The following LINC00237 variants were observed in gnomAD, a reference collection of about 807,000 sequenced individuals.
LINC00237 encodes long intergenic non-protein coding RNA 237.
chr20:21,086,837 A>T lies in LINC00237; in HGVS notation n.560-949T>A, dbSNP rs537168305. 1.2e-3 allele frequency among the ~76,000 whole-genome samples: 157 copies of T among 128,844 alleles called. 3 individuals carry two copies. Among genetic ancestry groups the T allele is most frequent in the Non-Finnish European group, 1.2e-3 (77 of 62,292 alleles). 84.5% of individuals were successfully genotyped at this position (128,844 alleles called of 152,430 possible). The stretch of plus-strand genomic sequence containing the variant: ...AGTATACATATATAGTGTATACTAT[A>T]TATGTATAGTATACACTATATATGT... On this transcript the variant is annotated intron_variant and non_coding_transcript_variant, in intron 3 of 3. Coordinates refer to ENST00000691244, the Ensembl canonical transcript of LINC00237.
intron 1 of LINC00237, among the ~76,000 whole-genome samples, chr20:21,095,768 C>T (rs2030850469): frequency 6.6e-6 from 1 of 152,200 alleles, no homozygotes; most frequent in African/African-American, 2.4e-5. Context: ...CGTGTACCAG[C>T]TCAATGACCA....
intron 1 of LINC00237, among the ~76,000 whole-genome samples, chr20:21,102,460 C>T (rs2030944558): frequency 6.6e-6 from 1 of 152,222 alleles, no homozygotes; most frequent in Non-Finnish European, 1.5e-5. Context: ...CTAACTCGCT[C>T]CAGGTCACAG....
intron 1 of LINC00237, among the ~76,000 whole-genome samples, chr20:21,096,817 C>T (rs1286653724): frequency 3.3e-5 from 5 of 152,186 alleles, no homozygotes; most frequent in Non-Finnish European, 7.4e-5. Flanking sequence ...CTAGATTGGA[C>T]TTTGTGGCCA....
rs376968294 is a variant in LINC00237, at chr20:21,086,674, TA to T, written n.560-787del. On this transcript the variant is annotated intron_variant and non_coding_transcript_variant, in intron 3 of 3. Coordinates refer to ENST00000691244, the Ensembl canonical transcript of LINC00237. Reference sequence around the variant, plus strand: ...CTATATATGTATAGTATACTATATATAGTATACTACATATACATATGTAGTA... The same window carrying T: ...CTATATATGTATAGTATACTATATATGTATACTACATATACATATGTAGTA... Among the ~76,000 whole-genome samples the T allele has an allele frequency of 3.3e-4, 10 of 30,696 alleles. 1 individual carries two copies. The highest frequency in any genetic ancestry group is 3.6e-4 in the African/African-American group (3 of 8,280). 20.1% of individuals were successfully genotyped at this position (30,696 alleles called of 152,430 possible).
intron 1 of LINC00237, among the ~76,000 whole-genome samples, chr20:21,095,221 G>A (rs548912711): frequency 2.5e-4 from 38 of 152,258 alleles, no homozygotes; most frequent in Non-Finnish European, 5.3e-4. Flanking sequence ...CCTCCCGCTT[G>A]GAGCCCAGCT....
intron 1 of LINC00237, among the ~76,000 whole-genome samples, chr20:21,100,443 A>G (rs1365692901): frequency 6.6e-6 from 1 of 152,252 alleles, no homozygotes; most frequent in East Asian, 1.9e-4. Context: ...CGTTTCCGCA[A>G]ACTGCATCGC....
chr20:21,104,238 T>C (rs2030968738), intron 1 of LINC00237, among the ~76,000 whole-genome samples: 1 of 152,202 alleles, frequency 6.6e-6, no homozygotes, highest in Non-Finnish European at 1.5e-5. Context: ...GCACCAGATA[T>C]AAGGGGGTCA....
chr20:21,105,077 C>G (rs1049670279), intron 1 of LINC00237, among the ~76,000 whole-genome samples: 1 of 152,198 alleles, frequency 6.6e-6, no homozygotes, highest in African/African-American at 2.4e-5. Flanking sequence ...GCACCGGACA[C>G]CAGGCGCGCC....
rs527930957 is a variant in LINC00237 at position 21,092,445 on chromosome 20, GA to G, written n.472+1023del. Reference sequence around the variant, plus strand: ...AGAAATTGTAATGATGCAGCAGTGGGAATGCCCAGGCGGTAGGCACTTTGAG... The same window carrying G: ...AGAAATTGTAATGATGCAGCAGTGGGATGCCCAGGCGGTAGGCACTTTGAG... On this transcript the variant is annotated intron_variant and non_coding_transcript_variant, in intron 2 of 3. Transcript: ENST00000691244. Among the ~76,000 whole-genome samples the G allele has an allele frequency of 1.5e-3, 233 of 152,326 alleles. 1 individual carries two copies. The highest frequency in any genetic ancestry group is 5.5e-3 in the African/African-American group (229 of 41,584).
chr20:21,092,670 C>T (rs2030807921), intron 2 of LINC00237: 2 of 152,198 alleles, frequency 1.3e-5, no homozygotes, highest in Admixed American at 1.3e-4. Flanking sequence ...CCTAGATCCT[C>T]TGGATTTCTT....
intron 1 of LINC00237, among the ~76,000 whole-genome samples, chr20:21,103,266 T>C (rs1469095398): frequency 6.6e-6 from 1 of 152,216 alleles, no homozygotes; most frequent in African/African-American, 2.4e-5. Flanking sequence ...AAGCGCTTCC[T>C]TGGGGTGGCT....
At chr20:21,099,006 A>G (rs1415351905) in intron 1 of LINC00237, among the ~76,000 whole-genome samples, 1 of 152,248 alleles carries the variant, frequency 6.6e-6, no homozygotes, top group African/African-American at 2.4e-5. Context: ...AGACAAGAAG[A>G]GCAAGGGGTA....
chr20:21,103,270 G>A (rs1027956530), intron 1 of LINC00237, among the ~76,000 whole-genome samples: 6 of 152,350 alleles, frequency 3.9e-5, no homozygotes, highest in African/African-American at 1.2e-4. Flanking sequence ...GCTTCCTTGG[G>A]GTGGCTGGGG....
In LINC00237 at chr20:21,091,004, T is replaced by A. The variant is rs1016877063; in HGVS notation, n.472+2465A>T. ...CCATTTACTACTTCTTTCTAACCAC[T>A]CTTTGGGAAAGTAGCCATTAGCCTG... On this transcript the variant is annotated intron_variant and non_coding_transcript_variant, in intron 2 of 3. Transcript: ENST00000691244. Among the ~76,000 whole-genome samples, 22 of 152,078 alleles carry A rather than the reference T, an allele frequency of 1.4e-4. 1 individual carries two copies.
intron 1 of LINC00237, among the ~76,000 whole-genome samples, chr20:21,094,959 G>A (rs1402480471): frequency 6.6e-6 from 1 of 152,164 alleles, no homozygotes; most frequent in Non-Finnish European, 1.5e-5. Flanking sequence ...GCTGAGGCAG[G>A]AGCATCGCTT....
intron 1 of LINC00237, among the ~76,000 whole-genome samples, chr20:21,102,154 C>G (rs2030940938): frequency 6.6e-6 from 1 of 152,264 alleles, no homozygotes; most frequent in Non-Finnish European, 1.5e-5. Context: ...AGAGACCTGG[C>G]GAATCGCCGA....
chr20:21,092,578 T>C (rs1014633151), intron 2 of LINC00237, among the ~76,000 whole-genome samples: 4 of 152,228 alleles, frequency 2.6e-5, no homozygotes, highest in Non-Finnish European at 5.9e-5. Flanking sequence ...CTCTCTGTTA[T>C]GGCTTAAATG....
intron 2 of LINC00237, among the ~76,000 whole-genome samples, chr20:21,088,768 C>T (rs1454244054): frequency 6.6e-6 from 1 of 152,020 alleles, no homozygotes; most frequent in Non-Finnish European, 1.5e-5. Flanking sequence ...ATCTGTTTCC[C>T]TTTTCTTACA....
chr20:21,096,251 A>G (rs1197044612), intron 1 of LINC00237, among the ~76,000 whole-genome samples: 1 of 152,188 alleles, frequency 6.6e-6, no homozygotes, highest in East Asian at 1.9e-4. Flanking sequence ...ATCGCCATAT[A>G]AGCAGTCCAG....
Sources: gnomAD v4.1 joint callset for allele counts (sites outside exome capture counted in the v4.1 genomes callset) on GRCh38, gnomAD v4.1.1 for gene constraint, MANE v1.5 for transcripts, NCBI Gene and HGNC (gene_info 2026-07-23, HGNC 2026-07-21) for gene names.